The following TSPEAR variants were observed in gnomAD, a reference collection of about 807,000 sequenced individuals.
TSPEAR encodes thrombospondin-type laminin G domain and EAR repeat-containing protein.
A neutral mutation model predicts 71.6 loss-of-function variants in TSPEAR; 69 were observed. The observed-to-expected ratio is 0.96, with a 90% CI of 0.79 to 1.18. The LOEUF (loss-of-function observed/expected upper bound fraction) is 1.18. Among genes scored for constraint, TSPEAR ranks in the 50% most tolerant of loss-of-function variants. The probability of loss-of-function intolerance (pLI) is 0.00; values close to 1 mark genes in which losing one functional copy is unlikely to be tolerated. For synonymous variants in TSPEAR, 402 were observed against 387.2 expected, an observed-to-expected ratio of 1.04 and a Z score of -0.45; for missense variants, 971 against 894.9, an observed-to-expected ratio of 1.09 and a Z score of -1.09.
At chr21:44,551,698 C>T (rs1280843372) in intron 2 of TSPEAR, among the ~76,000 whole-genome samples, 1 of 152,192 alleles carries the variant, frequency 6.6e-6, no homozygotes, top group East Asian at 1.9e-4. Context: ...CTGCTCCTAA[C>T]ACTCGGCTGG....
intron 1 of TSPEAR, among the ~76,000 whole-genome samples, chr21:44,703,711 GGTACAT>G (rs1555951866): frequency 6.6e-6 from 1 of 152,192 alleles, no homozygotes; most frequent in East Asian, 1.9e-4. Context: ...GAAGCCAAAG[GGTACAT>G]GACCTAGGGA....
chr21:44,681,077 C>T (rs1986561807), intron 1 of TSPEAR, among the ~76,000 whole-genome samples: 1 of 152,140 alleles, frequency 6.6e-6, no homozygotes, highest in Non-Finnish European at 1.5e-5. Flanking sequence ...ATTACGTATC[C>T]TCTGTGTGTA....
At chr21:44,511,596 A>G (rs906076300) in intron 9 of TSPEAR, among the ~76,000 whole-genome samples, 1 of 151,834 alleles carries the variant, frequency 6.6e-6, no homozygotes, top group Non-Finnish European at 1.5e-5. Context: ...ATCCGCCTGC[A>G]TGACATCTAC....
intron 1 of TSPEAR, among the ~76,000 whole-genome samples, chr21:44,650,408 G>A (rs1910841359): frequency 2.0e-5 from 3 of 152,222 alleles, no homozygotes; most frequent in Non-Finnish European, 2.9e-5. Flanking sequence ...CCTGGAGAAC[G>A]CCATGTGACG....
At chr21:44,657,773 C>T (rs112211460) in intron 1 of TSPEAR, among the ~76,000 whole-genome samples, 33 of 152,240 alleles carry the variant, frequency 2.2e-4, no homozygotes, top group African/African-American at 6.5e-4. Flanking sequence ...ACCTCAAGGC[C>T]GAAGCTATTT....
chr21:44,691,407 C>T (rs922756996), intron 1 of TSPEAR, among the ~76,000 whole-genome samples: 11 of 152,158 alleles, frequency 7.2e-5, no homozygotes, highest in Admixed American at 2.0e-4. Context: ...TGTCCCCATC[C>T]GTACACTAAG....
intron 1 of TSPEAR, among the ~76,000 whole-genome samples, chr21:44,706,645 C>T (rs1011355721): frequency 1.3e-5 from 2 of 152,202 alleles, no homozygotes; most frequent in African/African-American, 2.4e-5. Flanking sequence ...GCAGAGGTGT[C>T]GGGGATCGAG....
chr21:44,668,016 T>C lies in TSPEAR; in HGVS notation c.82+43417A>G, dbSNP rs1336664124. Among the ~76,000 whole-genome samples the C allele has an allele frequency of 7.2e-5, 11 of 152,312 alleles. No individual in the cohort carries two copies. In the South Asian group the frequency reaches 1.5e-3, roughly 20 times the overall value. Reference sequence around the variant, plus strand: ...TCTAATATTGGGAACAAAGCCAGCATAGTACTAGAAGTTTTACTAAGAGCA... The same window carrying C: ...TCTAATATTGGGAACAAAGCCAGCACAGTACTAGAAGTTTTACTAAGAGCA... On this transcript the variant is annotated intron_variant, in intron 1 of 11. Transcript: ENST00000323084.
rs1206963752 is a variant in TSPEAR, at chr21:44,498,765, G to T, written c.*1018C>A. ...GTTCCTGGAAGACCGTGGCAGGTGTGGTCTGGGCTGCGTGGCCCCGGAGCC... is the reference window on the plus strand; with the variant it reads ...GTTCCTGGAAGACCGTGGCAGGTGTTGTCTGGGCTGCGTGGCCCCGGAGCC... On this transcript the variant is annotated 3_prime_UTR_variant, in exon 12 of 12. Transcript: ENST00000323084. 6.6e-6 allele frequency: 1 copy of T among 152,312 alleles called. No individual in the cohort carries two copies. Among genetic ancestry groups the T allele is most frequent in the African/African-American group, 2.4e-5 (1 of 41,300 alleles). 9.4% of individuals were successfully genotyped at this position (152,312 alleles called of 1,614,324 possible).
At chr21:44,558,262 A>T in intron 2 of TSPEAR, 1 of 1,614,036 alleles carries the variant, frequency 6.2e-7, no homozygotes, top group Middle Eastern at 1.7e-4. Flanking sequence ...GAGGGTCTGC[A>T]GCAGGAGGTG....
chr21:44,645,643 C>T (rs782209289), intron 1 of TSPEAR, among the ~76,000 whole-genome samples: 4 of 152,194 alleles, frequency 2.6e-5, no homozygotes, highest in South Asian at 2.1e-4. Context: ...TGAGTCACCA[C>T]GCTCAGCCAG....
chr21:44,574,137 CCCGTCTGCTG>C (rs1978305550), intron 1 of TSPEAR: 1 of 1,372,146 alleles, frequency 7.3e-7, no homozygotes, highest in African/African-American at 1.5e-5. Flanking sequence ...GTGCTGTGTG[CCCGTCTGCTG>C]TGGGGATTCT....
At chr21:44,578,800 T>C (rs1487750387) in intron 1 of TSPEAR, among the ~76,000 whole-genome samples, 1 of 152,160 alleles carries the variant, frequency 6.6e-6, no homozygotes, top group East Asian at 1.9e-4. Context: ...AGCAGGGCCT[T>C]GTCCACCTGT....
At position 44,708,153 on chromosome 21, in the gene TSPEAR, G is replaced by C. The variant is rs142742253; in HGVS notation, c.82+3280C>G. On this transcript the variant is annotated intron_variant, in intron 1 of 11. Coordinates refer to ENST00000323084, the MANE Select transcript of TSPEAR (RefSeq NM_144991.3). Reference sequence around the variant, plus strand: ...GGGTAACCCGTGCATGCATGCATTGGGGGTAACAGGCTGGAGCTCAGATCC... The same window carrying C: ...GGGTAACCCGTGCATGCATGCATTGCGGGTAACAGGCTGGAGCTCAGATCC... Among the ~76,000 whole-genome samples, 579 of 152,240 alleles carry C rather than the reference G, an allele frequency of 3.8e-3. 4 individuals are homozygous for C. Among genetic ancestry groups the C allele is most frequent in the African/African-American group, 0.013 (559 of 41,534 alleles).
intron 9 of TSPEAR, among the ~76,000 whole-genome samples, chr21:44,511,698 G>C (rs2052384651): frequency 6.6e-6 from 1 of 152,380 alleles, no homozygotes; most frequent in Admixed American, 6.5e-5. Context: ...CCTTCCAGTG[G>C]AGCCCCTGCT....
At chr21:44,566,628 A>G (rs1056119573) in intron 2 of TSPEAR, among the ~76,000 whole-genome samples, 4 of 152,240 alleles carry the variant, frequency 2.6e-5, no homozygotes, top group Admixed American at 1.3e-4. Flanking sequence ...TGGTTACTAC[A>G]GTAACCAAGA....
intron 1 of TSPEAR, among the ~76,000 whole-genome samples, chr21:44,652,898 T>C (rs1984896505): frequency 6.6e-6 from 1 of 152,202 alleles, no homozygotes; most frequent in Admixed American, 6.5e-5. Flanking sequence ...GGCTCACACC[T>C]GTAATCCCAG....
chr21:44,592,713 G>A (rs971577680), intron 1 of TSPEAR, among the ~76,000 whole-genome samples: 9 of 152,126 alleles, frequency 5.9e-5, no homozygotes, highest in Non-Finnish European at 7.4e-5. Flanking sequence ...GATCCCTGGC[G>A]GCAGGAATTG....
chr21:44,704,827 C>T (rs1378610859), intron 1 of TSPEAR, among the ~76,000 whole-genome samples: 1 of 95,750 alleles, frequency 1.0e-5, no homozygotes, highest in East Asian at 2.2e-4. Flanking sequence ...AGTGTCACGT[C>T]ACGGCCCCGG....
Sources: allele counts gnomAD v4.1 joint callset (sites outside exome capture counted in the v4.1 genomes callset), GRCh38; gene constraint gnomAD v4.1.1; transcripts MANE v1.5; gene names NCBI Gene and HGNC (gene_info 2026-07-23, HGNC 2026-07-21).